The following XIRP2 variants were observed in gnomAD, a reference collection of about 807,000 sequenced individuals.
XIRP2 encodes xin actin-binding repeat-containing protein 2.
A neutral mutation model predicts 277.0 loss-of-function variants in XIRP2; 236 were observed. The ratio of observed to expected loss-of-function variants is 0.85; its 90% CI spans 0.77 to 0.95. XIRP2 has a LOEUF of 0.95. Among genes scored for constraint, XIRP2 ranks in the 40% least tolerant of loss-of-function variants. The pLI, the probability that XIRP2 is intolerant of heterozygous loss-of-function variation, is 0.00. For synonymous variants in XIRP2, 1,490 were observed against 1,416.5 expected (o/e 1.05, Z -1.17); for missense variants, 4,640 against 4,157.5 (o/e 1.12, Z -3.19).
intron 2 of XIRP2, among the ~76,000 whole-genome samples, chr2:166,981,075 G>A (rs1686855177): frequency 6.6e-6 from 1 of 151,988 alleles, no homozygotes; most frequent in Non-Finnish European, 1.5e-5. Context: ...TGCAGTATAT[G>A]TTATATTTAT....
intron 2 of XIRP2, among the ~76,000 whole-genome samples, chr2:167,084,935 T>C (rs902257343): frequency 0.014 from 2,116 of 150,386 alleles, 56 homozygotes; most frequent in African/African-American, 0.049. Flanking sequence ...TTTGTGTCTC[T>C]ATTTCCTTCA....
chr2:167,056,114 A>C (rs942750562), intron 2 of XIRP2, among the ~76,000 whole-genome samples: 6 of 152,198 alleles, frequency 3.9e-5, no homozygotes, highest in South Asian at 2.1e-4. Context: ...CTTACAGCAC[A>C]AACATTACCT....
intron 2 of XIRP2, among the ~76,000 whole-genome samples, chr2:167,133,097 GCTTATTAGTAGCCAAGGGAGGGC>G (rs1263996763): frequency 2.2e-4 from 33 of 152,278 alleles, no homozygotes; most frequent in Admixed American, 3.9e-4. Context: ...AGGCCACAAA[GCTTATTAGTAGCCAAGGGAGGGC>G]TTGAATCCAA....
intron 3 of XIRP2, among the ~76,000 whole-genome samples, chr2:167,150,769 AT>A (rs1442934821): frequency 6.6e-6 from 1 of 152,052 alleles, no homozygotes; most frequent in Non-Finnish European, 1.5e-5. Flanking sequence ...TAGTACTATG[AT>A]TAGCACACCT....
Position 167,258,845 on chromosome 2 carries a change from T to C in XIRP2, c.*1028T>C. The C allele has an allele frequency of 6.2e-7, 1 of 1,613,072 alleles. No homozygotes were observed. The highest frequency in any genetic ancestry group is 8.5e-7 in the Non-Finnish European group (1 of 1,179,564). On this transcript the variant is annotated 3_prime_UTR_variant, in exon 11 of 11. Coordinates refer to ENST00000409195, the MANE Select transcript of XIRP2 (RefSeq NM_152381.6). ...CTCAGAGTTACTTGGTATATTTGAATCTGAAAAGACTTATTCGAGGAATGT... is the reference window on the plus strand; with the variant it reads ...CTCAGAGTTACTTGGTATATTTGAACCTGAAAAGACTTATTCGAGGAATGT...
Position 167,250,391 on chromosome 2 carries a change from C to T in XIRP2, c.8999C>T (p.Ala3000Val). Residue 3000 changes from alanine (A) to valine (V), a missense_variant, in exon 9 of 11, where the codon GCC becomes GTC. Physicochemically the swap from Ala to Val is moderately conservative, Grantham distance 64 (BLOSUM62 0). Coordinates refer to ENST00000409195, the MANE Select transcript of XIRP2 (RefSeq NM_152381.6). Reference protein sequence around the residue: ...EDKREYAVHIAMENNLEKVKE... With the variant: ...EDKREYAVHIVMENNLEKVKE... Reference sequence around the variant, plus strand: ...AAGAGAGAATATGCAGTTCACATTGCCATGGAGAATAATTTAGAAAAAGTA... The same window carrying T: ...AAGAGAGAATATGCAGTTCACATTGTCATGGAGAATAATTTAGAAAAAGTA... 1 of 1,613,308 alleles carries T rather than the reference C, an allele frequency of 6.2e-7. No homozygotes were observed. The highest frequency in any genetic ancestry group is 8.5e-7 in the Non-Finnish European group (1 of 1,179,622).
rs576100714 is a variant in XIRP2 at position 167,082,335 on chromosome 2, C to T, written c.409-53574C>T. Among the ~76,000 whole-genome samples, 16 of 152,074 alleles carry T rather than the reference C, an allele frequency of 1.1e-4. No individual in the cohort carries two copies. In the East Asian group the frequency reaches 1.4e-3, roughly 13 times the overall value. ...GTATATGTGCCACATTTTCTTAATC[C>T]GGTCTATCATTGTTGGGCATTTGGG... On this transcript the variant is annotated intron_variant, in intron 2 of 10. Transcript: ENST00000409195.
intron 9 of XIRP2, among the ~76,000 whole-genome samples, chr2:167,253,401 T>G (rs61335281): frequency 0.061 from 9,198 of 151,846 alleles, 315 homozygotes; most frequent in East Asian, 0.11. Context: ...GCCAGTTAGA[T>G]TGAGGACAAA....
chr2:167,015,975 C>T (rs1687817570), intron 2 of XIRP2, among the ~76,000 whole-genome samples: 1 of 151,762 alleles, frequency 6.6e-6, no homozygotes, highest in Non-Finnish European at 1.5e-5. Context: ...ATATATCCAA[C>T]TCTCTCTTCC....
In XIRP2 at chr2:167,029,697, G is replaced by A. The variant is rs1468506320; in HGVS notation, c.409-106212G>A. 1.3e-5 allele frequency among the ~76,000 whole-genome samples: 2 copies of A among 152,092 alleles called. 1 individual carries two copies. The highest frequency in any genetic ancestry group is 4.1e-4 in the South Asian group (2 of 4,834). On this transcript the variant is annotated intron_variant, in intron 2 of 10. Coordinates refer to ENST00000409195, the MANE Select transcript of XIRP2 (RefSeq NM_152381.6). Reference sequence around the variant, plus strand: ...GTTGTTGTGTCTCTACCAGGTTTTGGTATCAGGATGATGCTGGCCTCATAA... The same window carrying A: ...GTTGTTGTGTCTCTACCAGGTTTTGATATCAGGATGATGCTGGCCTCATAA...
At chr2:167,128,783 TC>T (rs1691288845) in intron 2 of XIRP2, among the ~76,000 whole-genome samples, 1 of 152,158 alleles carries the variant, frequency 6.6e-6, no homozygotes. Context: ...TTCTTTATTA[TC>T]ACACTCTTTT....
At chr2:166,928,642 A>G (rs1049286679) in intron 2 of XIRP2, among the ~76,000 whole-genome samples, 2 of 152,044 alleles carry the variant, frequency 1.3e-5, no homozygotes, top group Admixed American at 6.6e-5. Context: ...TCTTATCTTA[A>G]TTTCTTATCT....
intron 5 of XIRP2, among the ~76,000 whole-genome samples, chr2:167,237,552 T>C (rs1564385): frequency 0.058 from 8,830 of 152,230 alleles, 286 homozygotes; most frequent in East Asian, 0.11. Flanking sequence ...ATGAACACAG[T>C]GTTACCATGT....
intron 3 of XIRP2, among the ~76,000 whole-genome samples, chr2:167,202,031 A>G (rs534232958): frequency 6.6e-6 from 1 of 152,322 alleles, no homozygotes; most frequent in African/African-American, 2.4e-5. Context: ...ATGGGATAAT[A>G]CATGTAAAAT....
At chr2:166,894,757 C>T (rs528251444) in intron 1 of XIRP2, among the ~76,000 whole-genome samples, 2 of 152,240 alleles carry the variant, frequency 1.3e-5, no homozygotes, top group East Asian at 1.9e-4. Context: ...AACTGGGATG[C>T]ACCTTGCCAA....
chr2:167,089,835 C>T (rs141658839), intron 2 of XIRP2, among the ~76,000 whole-genome samples: 15 of 152,156 alleles, frequency 9.9e-5, no homozygotes, highest in Admixed American at 2.0e-4. Context: ...TTATCTAAAA[C>T]GTTTTTGCTC....
At position 167,184,349 on chromosome 2, in the gene XIRP2, A is replaced by G. The variant is rs188028359; in HGVS notation, c.563-26386A>G. Among the ~76,000 whole-genome samples the G allele has an allele frequency of 2.0e-5, 3 of 152,304 alleles. No homozygotes were observed. The East Asian group carries it at 5.8e-4, about 29-fold the overall frequency. On this transcript the variant is annotated intron_variant, in intron 3 of 10. Coordinates refer to ENST00000409195, the MANE Select transcript of XIRP2 (RefSeq NM_152381.6). ...TACTTGTTTGTTAAGTAGCATGAAA[A>G]TGTAGGCTATTCCACTTCACTTTTC...
In XIRP2 at chr2:167,245,111, G is replaced by C. The variant is rs200182549; in HGVS notation, c.3719G>C (p.Arg1240Thr). The change falls in exon 9 of 11, where the codon AGG becomes ACG. Residue 1240 changes from arginine to threonine, a missense_variant. Physicochemically the swap from Arg to Thr is moderately conservative, Grantham distance 71 (BLOSUM62 -1). Coordinates refer to ENST00000409195, the MANE Select transcript of XIRP2 (RefSeq NM_152381.6). ...CAGAAAGGCAATGTTTTAAATTGTAGGTGGCTTTTTGAAAACCAACCAATT... is the reference window on the plus strand; with the variant it reads ...CAGAAAGGCAATGTTTTAAATTGTACGTGGCTTTTTGAAAACCAACCAATT... ...DIQKGNVLNC[R>T]WLFENQPIDK... 360 of 1,610,520 alleles carry C rather than the reference G, an allele frequency of 2.2e-4. No homozygotes were observed. Among genetic ancestry groups the C allele is most frequent in the Non-Finnish European group, 2.9e-4 (347 of 1,179,040 alleles).
intron 3 of XIRP2, among the ~76,000 whole-genome samples, chr2:167,163,044 T>C (rs1692416158): frequency 6.6e-6 from 1 of 152,206 alleles, no homozygotes; most frequent in African/African-American, 2.4e-5. Flanking sequence ...TATTCCATTA[T>C]GTGAACAATT....
Sources: allele counts gnomAD v4.1 joint callset (sites outside exome capture counted in the v4.1 genomes callset), GRCh38; gene constraint gnomAD v4.1.1; transcripts MANE v1.5; gene names NCBI Gene and HGNC (gene_info 2026-07-23, HGNC 2026-07-21).